Variants in VPS13B observed in about 807,000 individuals in gnomAD.
The protein encoded by VPS13B is vacuolar protein sorting 13 homolog B.
A neutral mutation model predicts 426.4 loss-of-function variants in VPS13B; 285 were observed. That is an observed-to-expected ratio of 0.67 (90% CI 0.61 to 0.74). The LOEUF (loss-of-function observed/expected upper bound fraction) is 0.74. Ranked by LOEUF, VPS13B falls within the 30% of genes least tolerant of loss-of-function variation. The probability of loss-of-function intolerance (pLI) is 0.00; values close to 1 mark genes in which losing one functional copy is unlikely to be tolerated. For missense variants in VPS13B, 4,537 were observed against 4,782.6 expected (o/e 0.95, Z 1.51); for synonymous variants, 1,676 against 1,676.4 (o/e 1.00, Z 0.01).
intron 33 of VPS13B, among the ~76,000 whole-genome samples, chr8:99,586,147 T>A (rs778324660): frequency 4.6e-5 from 7 of 152,222 alleles, no homozygotes; most frequent in South Asian, 2.1e-4. Flanking sequence ...CATATTAAGC[T>A]GTTTTCCATT....
At chr8:99,400,531 C>A (rs6982694) in intron 21 of VPS13B, among the ~76,000 whole-genome samples, 9,531 of 152,180 alleles carry the variant, frequency 0.063, 401 homozygotes, top group African/African-American at 0.12. Flanking sequence ...TATACATTAA[C>A]TATATGTATC....
chr8:99,336,756 GA>G (rs1810902633), intron 19 of VPS13B, among the ~76,000 whole-genome samples: 1 of 152,154 alleles, frequency 6.6e-6, no homozygotes, highest in African/African-American at 2.4e-5. Flanking sequence ...AAAAACACAT[GA>G]AAAAATGCTG....
intron 5 of VPS13B, among the ~76,000 whole-genome samples, chr8:99,109,866 A>C (rs1448083051): frequency 2.0e-5 from 3 of 152,180 alleles, no homozygotes; most frequent in Admixed American, 1.3e-4. Context: ...GATGTAAAAG[A>C]CTTAGTGTAG....
chr8:99,643,039 A>G (rs1486190669), intron 34 of VPS13B, among the ~76,000 whole-genome samples: 1 of 152,132 alleles, frequency 6.6e-6, no homozygotes, highest in Non-Finnish European at 1.5e-5. Flanking sequence ...TTGCTGCCCA[A>G]CCCATCCCTT....
At chr8:99,383,020 A>G (rs887476242) in intron 19 of VPS13B, among the ~76,000 whole-genome samples, 5 of 152,190 alleles carry the variant, frequency 3.3e-5, no homozygotes, top group African/African-American at 1.2e-4. Context: ...ATCCTAGTGG[A>G]GCTAATAATA....
intron 19 of VPS13B, among the ~76,000 whole-genome samples, chr8:99,359,202 T>G (rs1308420975): frequency 6.6e-6 from 1 of 152,172 alleles, no homozygotes; most frequent in Non-Finnish European, 1.5e-5. Flanking sequence ...AATTTTAATG[T>G]TTTTTAACAG....
At chr8:99,520,370 G>A (rs995606612) in intron 29 of VPS13B, among the ~76,000 whole-genome samples, 2 of 149,792 alleles carry the variant, frequency 1.3e-5, no homozygotes, top group African/African-American at 4.9e-5. Flanking sequence ...TGACATTTTG[G>A]AGCTTAAAGT....
At position 99,156,651 on chromosome 8, in the gene VPS13B, A is replaced by G. The variant is rs751897986; in HGVS notation, c.2116A>G (p.Met706Val). The G allele has an allele frequency of 5.0e-6, 8 of 1,613,984 alleles. No individual in the cohort carries two copies. Among genetic ancestry groups the G allele is most frequent in the South Asian group, 1.1e-5 (1 of 91,088 alleles). Residue 706 changes from methionine (M) to valine (V), a missense_variant, in exon 15 of 62, where the codon ATG becomes GTG. By Grantham distance (21) the Met-to-Val change is conservative (BLOSUM62 1). Transcript: ENST00000357162. ...AATTAATCTGGAACATTCAGTGCCA[A>G]TGTATGCTGAACAGTTGGTGCATGT... ...DKINLEHSVP[M>V]YAEQLVHVVS...
rs1274577651 is a variant in VPS13B, at chr8:99,054,222, T to C, written c.291+15656T>C. Among the ~76,000 whole-genome samples the C allele has an allele frequency of 3.9e-5, 6 of 152,212 alleles. No individual in the cohort carries two copies. The South Asian group carries it at 1.2e-3, about 32-fold the overall frequency. Reference sequence around the variant, plus strand: ...TAGAATTGCTGGATCATATAGTAATTCTGTGTTCACTTTTTTCAGGAATTT... The same window carrying C: ...TAGAATTGCTGGATCATATAGTAATCCTGTGTTCACTTTTTTCAGGAATTT... On this transcript the variant is annotated intron_variant, in intron 3 of 61. Transcript: ENST00000357162.
chr8:99,843,470 CT>C (rs540581627), intron 54 of VPS13B, among the ~76,000 whole-genome samples: 22 of 152,302 alleles, frequency 1.4e-4, no homozygotes, highest in Non-Finnish European at 3.1e-4. Flanking sequence ...AAGTCTAGCA[CT>C]TCTAAGCGAT....
intron 28 of VPS13B, 108 bp downstream of exon 28, chr8:99,507,311 ATTC>A (rs1326921770): frequency 1.6e-5 from 19 of 1,178,506 alleles, no homozygotes; most frequent in Admixed American, 7.2e-5. Flanking sequence ...TTCAGAATAA[ATTC>A]TTATTAGCCT....
intron 17 of VPS13B, among the ~76,000 whole-genome samples, chr8:99,224,398 A>G (rs1815898838): frequency 6.6e-6 from 1 of 152,162 alleles, no homozygotes; most frequent in Admixed American, 6.5e-5. Flanking sequence ...TTAGTGAGAC[A>G]TGGGAAATCT....
chr8:99,753,248 T>A (rs930559059), intron 39 of VPS13B, among the ~76,000 whole-genome samples: 3 of 152,194 alleles, frequency 2.0e-5, no homozygotes, highest in African/African-American at 7.2e-5. Flanking sequence ...GTAGTTCTTA[T>A]TCTATCTTCC....
At chr8:99,391,281 G>T (rs1814428896) in intron 20 of VPS13B, among the ~76,000 whole-genome samples, 1 of 151,186 alleles carries the variant, frequency 6.6e-6, no homozygotes, top group African/African-American at 2.4e-5. Context: ...AGGCTCTTTG[G>T]TTTTCACTCA....
chr8:99,592,693 A>T (rs1563814132), intron 33 of VPS13B, among the ~76,000 whole-genome samples: 1 of 152,162 alleles, frequency 6.6e-6, no homozygotes, highest in African/African-American at 2.4e-5. Flanking sequence ...CCAAAACAGC[A>T]TGGTACTGAT....
chr8:99,778,900 G>A lies in VPS13B; in HGVS notation c.7648G>A (p.Gly2550Arg), dbSNP rs780332587. 21 of 1,613,770 alleles carry A rather than the reference G, an allele frequency of 1.3e-5. No individual in the cohort carries two copies. The highest frequency in any genetic ancestry group is 1.7e-5 in the Admixed American group (1 of 59,972). Residue 2550 changes from glycine to arginine, a missense_variant, in exon 42 of 62, where the codon GGG (glycine) becomes AGG (arginine). Physicochemically the swap from Gly to Arg is moderately radical, Grantham distance 125. Coordinates refer to ENST00000357162, the MANE Select transcript of VPS13B (RefSeq NM_152564.5). ...TGTGGTGAAACCCTTCAGCATCTTC[G>A]GGCAGATGGCAGTTTCCAGCGATGT... ...QSVVKPFSIF[G>R]QMAVSSDVVE... is the part of the protein sequence containing the mutation.
intron 6 of VPS13B, among the ~76,000 whole-genome samples, chr8:99,111,687 C>T (rs1452331660): frequency 3.9e-5 from 6 of 152,076 alleles, no homozygotes; most frequent in Admixed American, 6.5e-5. Context: ...TAGGTGACTT[C>T]GTAAAGCTTG....
At chr8:99,110,285 A>G (rs918047963) in intron 5 of VPS13B, among the ~76,000 whole-genome samples, 2 of 152,134 alleles carry the variant, frequency 1.3e-5, no homozygotes, top group African/African-American at 4.8e-5. Context: ...TCACTGGGCA[A>G]GTAGATTTGG....
intron 24 of VPS13B, among the ~76,000 whole-genome samples, chr8:99,470,948 G>T (rs1283310171): frequency 1.3e-5 from 2 of 152,028 alleles, no homozygotes; most frequent in Non-Finnish European, 2.9e-5. Flanking sequence ...AGCAAATAAT[G>T]ATTTGAATTA....
Sources: allele counts gnomAD v4.1 joint callset (sites outside exome capture counted in the v4.1 genomes callset), GRCh38; gene constraint gnomAD v4.1.1; transcripts MANE v1.5; gene names NCBI Gene and HGNC (gene_info 2026-07-23, HGNC 2026-07-21).